Variants in TAFA2 observed in about 807,000 individuals in gnomAD.
TAFA2 encodes TAFA chemokine like family member 2.
TAFA2 carries 7 observed loss-of-function variants against 18.8 expected under a neutral mutation model. The ratio of observed to expected loss-of-function variants is 0.37; its 90% confidence interval spans 0.21 to 0.70. The LOEUF (loss-of-function observed/expected upper bound fraction) is 0.70, where lower values mean the gene tolerates loss of function less well. TAFA2 is among the 30% of genes least tolerant of loss of function. The pLI, the probability that TAFA2 is intolerant of heterozygous loss-of-function variation, is 0.53. For missense variants in TAFA2, 122 were observed against 158.1 expected (o/e 0.77, Z 1.23); for synonymous variants, 60 against 54.2 (o/e 1.11, Z -0.47).
chr12:61,749,812 G>A (rs899929600), intron 4 of TAFA2, among the ~76,000 whole-genome samples: 3 of 151,962 alleles, frequency 2.0e-5, no homozygotes, highest in Non-Finnish European at 4.4e-5. Flanking sequence ...TATATAATAC[G>A]AAGTTAGGTA....
chr12:61,821,416 A>G (rs2121051145), intron 2 of TAFA2, among the ~76,000 whole-genome samples: 1 of 152,148 alleles, frequency 6.6e-6, no homozygotes, highest in South Asian at 2.1e-4. Context: ...CTCTTCCAGA[A>G]CCTAAGTAGG....
At chr12:61,833,554 A>C (rs1351796966) in intron 2 of TAFA2, among the ~76,000 whole-genome samples, 1 of 152,046 alleles carries the variant, frequency 6.6e-6, no homozygotes, top group Non-Finnish European at 1.5e-5. Flanking sequence ...ATTCAATAAT[A>C]TTGATAATAT....
At chr12:61,850,604 T>G (rs1350462364) in intron 2 of TAFA2, among the ~76,000 whole-genome samples, 1 of 152,098 alleles carries the variant, frequency 6.6e-6, no homozygotes, top group Admixed American at 6.6e-5. Flanking sequence ...AAATCTATCT[T>G]TTATTTTCTG....
At position 62,184,502 on chromosome 12, in the gene TAFA2, C is replaced by CTCTTTTTTTTTT. The variant is rs771014284; in HGVS notation, c.-2+6756_-2+6757insAAAAAAAAAAGA. 3.8e-5 allele frequency among the ~76,000 whole-genome samples: 4 copies of CTCTTTTTTTTTT among 106,172 alleles called. No individual in the cohort carries two copies. In the Admixed American group the frequency reaches 4.6e-4, roughly 12 times the overall value. The allele number at this position is 106,172 out of a possible 152,430, so 69.7% of individuals were successfully genotyped here. A position where few individuals can be genotyped will look rare whatever the true frequency, so the allele number is the denominator to read the frequency against. ...CTGAACACACGGGAAAAAAAAAATT[C>CTCTTTTTTTTTT]TTTTTTTTTTGAGGCATAGTCTCAC... On this transcript the variant is annotated intron_variant, in intron 1 of 4. Coordinates refer to ENST00000416284, the MANE Select transcript of TAFA2 (RefSeq NM_178539.5).
At chr12:62,069,390 C>A (rs547621888) in intron 1 of TAFA2, among the ~76,000 whole-genome samples, 47 of 152,248 alleles carry the variant, frequency 3.1e-4, no homozygotes, top group African/African-American at 1.1e-3. Flanking sequence ...CCTATACACA[C>A]CACATAATGA....
chr12:62,057,993 T>C (rs1882230296), intron 1 of TAFA2, among the ~76,000 whole-genome samples: 2 of 152,194 alleles, frequency 1.3e-5, no homozygotes, highest in Non-Finnish European at 2.9e-5. Context: ...TCTCTCTTTG[T>C]CTGAAAATAC....
intron 1 of TAFA2, among the ~76,000 whole-genome samples, chr12:61,911,258 T>C (rs1876599385): frequency 6.6e-6 from 1 of 152,194 alleles, no homozygotes; most frequent in African/African-American, 2.4e-5. Context: ...GATTCTTTAC[T>C]CTGTACTCCT....
intron 1 of TAFA2, among the ~76,000 whole-genome samples, chr12:62,119,636 T>G (rs1445387926): frequency 6.6e-6 from 1 of 152,178 alleles, no homozygotes; most frequent in Non-Finnish European, 1.5e-5. Context: ...GAAACCGAAT[T>G]AACCTGTACC....
intron 1 of TAFA2, among the ~76,000 whole-genome samples, chr12:62,217,572 G>A (rs2062740782): frequency 6.6e-6 from 1 of 152,204 alleles, no homozygotes; most frequent in Non-Finnish European, 1.5e-5. Context: ...TCCCTTTCCA[G>A]AGGGAAGCTC....
upstream of TAFA2, among the ~76,000 whole-genome samples, chr12:62,193,102 C>T (rs913508119): frequency 6.6e-6 from 1 of 152,094 alleles, no homozygotes; most frequent in African/African-American, 2.4e-5. Context: ...AATTGGGTGT[C>T]GGTTTAAGCG....
chr12:61,908,705 G>A (rs995299718), intron 1 of TAFA2, among the ~76,000 whole-genome samples: 20 of 152,146 alleles, frequency 1.3e-4, no homozygotes, highest in African/African-American at 4.8e-4. Flanking sequence ...ACCAAATTAT[G>A]GTCCACTAAA....
Position 62,191,604 on chromosome 12 carries a change from A to C in TAFA2, c.-347T>G, listed in dbSNP as rs2062625212. 6.6e-6 allele frequency: 1 copy of C among 152,222 alleles called. No homozygotes were observed. Among genetic ancestry groups the C allele is most frequent in the South Asian group, 2.1e-4 (1 of 4,822 alleles). The allele number at this position is 152,222 out of a possible 1,614,324, so 9.4% of individuals were successfully genotyped here. ...ATTCCACAGTGTCAAAGTAATCAAAAGATTTGTTTACTGAGGAAAAGCCAA... is the reference window on the plus strand; with the variant it reads ...ATTCCACAGTGTCAAAGTAATCAAACGATTTGTTTACTGAGGAAAAGCCAA... On this transcript the variant is annotated 5_prime_UTR_variant, in exon 1 of 5. Transcript: ENST00000416284.
At chr12:62,099,944 G>A (rs938447821) in intron 1 of TAFA2, among the ~76,000 whole-genome samples, 4 of 152,042 alleles carry the variant, frequency 2.6e-5, no homozygotes, top group Non-Finnish European at 5.9e-5. Flanking sequence ...CTTATAAAAT[G>A]AGAACAAATT....
intron 1 of TAFA2, chr12:62,253,141 C>T (rs577028512): frequency 6.6e-6 from 1 of 152,302 alleles, no homozygotes. Context: ...CATCCACAGT[C>T]ATGATGACTA....
intron 1 of TAFA2, among the ~76,000 whole-genome samples, chr12:62,226,126 G>C (rs1267403810): frequency 6.6e-6 from 1 of 151,738 alleles, no homozygotes; most frequent in Admixed American, 6.6e-5. Flanking sequence ...TCTCCAGTAA[G>C]TACCTTTGCT....
intron 1 of TAFA2, among the ~76,000 whole-genome samples, chr12:61,914,726 C>T (rs1876749198): frequency 1.3e-5 from 2 of 152,094 alleles, no homozygotes; most frequent in African/African-American, 4.8e-5. Context: ...CTCATTTCAG[C>T]TGTGTTTTGT....
rs1477626706 is a variant in TAFA2, at chr12:61,724,796, T to TATACACCA, written c.385-14380_385-14379insTGGTGTAT. 3.9e-3 allele frequency among the ~76,000 whole-genome samples: 537 copies of TATACACCA among 137,688 alleles called. 1 individual carries two copies. Among genetic ancestry groups the TATACACCA allele is most frequent in the African/African-American group, 0.015 (514 of 33,634 alleles). 90.3% of individuals were successfully genotyped at this position (137,688 alleles called of 152,430 possible). A position where few individuals can be genotyped will look rare whatever the true frequency, so the allele number is the denominator to read the frequency against. ...GTGTGTGTGTGTGTGTGTGTGTGTGTGTGTGTATACACCAGATGGGTGTAT... is the reference window on the plus strand; with the variant it reads ...GTGTGTGTGTGTGTGTGTGTGTGTGTATACACCAGTGTGTATACACCAGATGGGTGTAT... On this transcript the variant is annotated intron_variant, in intron 4 of 4. Transcript: ENST00000416284.
chr12:62,175,772 A>G (rs1459583058), intron 1 of TAFA2, among the ~76,000 whole-genome samples: 1 of 152,106 alleles, frequency 6.6e-6, no homozygotes, highest in Non-Finnish European at 1.5e-5. Flanking sequence ...ATACTTATTG[A>G]TAATTAAGGC....
intron 1 of TAFA2, among the ~76,000 whole-genome samples, chr12:61,994,316 G>A (rs1318613844): frequency 2.0e-5 from 3 of 152,058 alleles, no homozygotes; most frequent in Non-Finnish European, 4.4e-5. Context: ...TTGATACACT[G>A]AGAAAATATC....
Sources: gnomAD v4.1 joint callset for allele counts (sites outside exome capture counted in the v4.1 genomes callset) on GRCh38, gnomAD v4.1.1 for gene constraint, MANE v1.5 for transcripts, NCBI Gene and HGNC (gene_info 2026-07-23, HGNC 2026-07-21) for gene names.